TJP2: variants seen among roughly 807,000 people sequenced by gnomAD.
TJP2 encodes Friedreich ataxia region gene X104 (tight junction protein ZO-2).
A neutral mutation model predicts 133.1 loss-of-function variants in TJP2; 91 were observed. That is an observed-to-expected ratio of 0.68 (90% confidence interval 0.58 to 0.81). The LOEUF is 0.81. Ranked by LOEUF, TJP2 falls within the 40% of genes least tolerant of loss-of-function variation. The pLI, the probability that TJP2 is intolerant of heterozygous loss-of-function variation, is 0.00. For missense variants in TJP2, 1,541 were observed against 1,565.6 expected (o/e 0.98, Z 0.26); for synonymous variants, 592 against 583.4 (o/e 1.01, Z -0.21).
Position 69,212,555 on chromosome 9 carries a change from G to A in TJP2, c.68G>A (p.Gly23Asp), listed in dbSNP as rs187570733. ...RELSGWLRAP[G>D]MEELIWEQYT... is the part of the protein sequence containing the mutation. ...TTTGTTCTTTTAAAACAGGCCCCAG[G>A]CATGGAAGAGCTGATATGGGAACAG... The change falls in exon 2 of 23, where the codon GGC becomes GAC. Residue 23 changes from glycine (G) to aspartate (D), a missense_variant. Transcript: ENST00000377245. 7 of 1,612,986 alleles carry A rather than the reference G, an allele frequency of 4.3e-6. No individual in the cohort carries two copies. The East Asian group carries it at 1.6e-4, about 36-fold the overall frequency.
At chr9:69,163,690 C>T (rs139507008) in intron 2 of TJP2, among the ~76,000 whole-genome samples, 1 of 151,974 alleles carries the variant, frequency 6.6e-6, no homozygotes, top group South Asian at 2.1e-4. Flanking sequence ...CCAGACTGAA[C>T]TCAAATCCCT....
intron 21 of TJP2, among the ~76,000 whole-genome samples, chr9:69,252,321 G>T (rs1173575899): frequency 2.6e-5 from 4 of 152,120 alleles, no homozygotes; most frequent in Non-Finnish European, 5.9e-5. Context: ...GTTCGGTTCA[G>T]CGGCATTAAG....
rs933333725 is a variant in TJP2, at chr9:69,189,677, G to C, written c.60+15245G>C. ...TTTAAAAAAGTTAAAAAAAAAAAAA[G>C]ACAAAGAAAAAGGAAAGTTGATTTT... is the stretch of plus-strand genomic sequence containing the variant. On this transcript the variant is annotated intron_variant, in intron 1 of 22. Coordinates refer to ENST00000377245, the MANE Select transcript of TJP2 (RefSeq NM_004817.4). Among the ~76,000 whole-genome samples, 2 of 29,322 alleles carry C rather than the reference G, an allele frequency of 6.8e-5. 1 individual carries two copies. Among genetic ancestry groups the C allele is most frequent in the Admixed American group, 4.8e-4 (2 of 4,134 alleles). 19.2% of individuals were successfully genotyped at this position (29,322 alleles called of 152,430 possible).
Position 69,127,301 on chromosome 9 carries a change from C to T in TJP2, c.-131+5576C>T, listed in dbSNP as rs1355054117. ...AGCCAGGATGGTCTCGATCTCCTGA[C>T]CTCGTGATCCGCCTGCCTCAGCCTC... On this transcript the variant is annotated intron_variant, in intron 1 of 5. Coordinates refer to the TJP2 transcript ENST00000423935. Among the ~76,000 whole-genome samples the T allele has an allele frequency of 4.0e-5, 3 of 75,710 alleles. 1 individual carries two copies. Among genetic ancestry groups the T allele is most frequent in the Non-Finnish European group, 9.1e-5 (3 of 32,978 alleles). 49.7% of individuals were successfully genotyped at this position (75,710 alleles called of 152,430 possible).
Position 69,218,323 on chromosome 9 carries a change from T to G in TJP2, c.306T>G (p.Val102=). The part of the protein sequence containing the change: ...PMEDVLHSFA[V]QQLRKSGKVA... ...AGGATGTGCTTCATTCGTTTGCAGT[T>G]CAGCAGCTCAGAAAAAGTGGGAAGG... The change falls in exon 4 of 23, where the codon GTT becomes GTG. Residue 102 remains valine, a synonymous_variant. Transcript: ENST00000377245. The G allele has an allele frequency of 1.9e-6, 3 of 1,614,246 alleles. No homozygotes were observed. Among genetic ancestry groups the G allele is most frequent in the Non-Finnish European group, 2.5e-6 (3 of 1,180,046 alleles).
intron 18 of TJP2, among the ~76,000 whole-genome samples, chr9:69,247,213 G>A (rs3750551): frequency 0.11 from 16,594 of 152,276 alleles, 1,364 homozygotes; most frequent in East Asian, 0.3. Context: ...AGAAAATAAG[G>A]TTGGTTGAGA....
chr9:69,249,101 A>C (rs1328887914), intron 19 of TJP2: 1 of 1,237,546 alleles, frequency 8.1e-7, no homozygotes, highest in Non-Finnish European at 1.0e-6. Flanking sequence ...ATGCCTATAG[A>C]CATGGATATT....
chr9:69,221,746 T>A (rs1373297008), intron 5 of TJP2, among the ~76,000 whole-genome samples: 2 of 151,752 alleles, frequency 1.3e-5, no homozygotes. Context: ...GGAGACAGGT[T>A]TCAACATGTT....
upstream of TJP2, chr9:69,174,199 A>ACGCCGC (rs964459023): frequency 1.1e-5 from 15 of 1,388,542 alleles, no homozygotes; most frequent in East Asian, 2.1e-4. Context: ...GGGCGGGCTG[A>ACGCCGC]CGCCGCCGCC....
intron 12 of TJP2, among the ~76,000 whole-genome samples, chr9:69,235,249 C>T (rs1033241045): frequency 2.0e-5 from 3 of 152,062 alleles, no homozygotes; most frequent in East Asian, 1.9e-4. Flanking sequence ...GAGCTGATGT[C>T]GCCTTTTGAA....
chr9:69,213,254 G>T (rs561923891), intron 2 of TJP2, among the ~76,000 whole-genome samples: 7 of 151,940 alleles, frequency 4.6e-5, no homozygotes, highest in Non-Finnish European at 8.8e-5. Context: ...ATAGAGACGG[G>T]GTTTCTCCAT....
At position 69,252,815 on chromosome 9, in the gene TJP2, A is replaced by G. The variant is rs201835299; in HGVS notation, c.3322A>G (p.Ile1108Val). 188 of 1,613,990 alleles carry G rather than the reference A, an allele frequency of 1.2e-4. No individual in the cohort carries two copies. Among genetic ancestry groups the G allele is most frequent in the Non-Finnish European group, 1.5e-4 (182 of 1,179,992 alleles). ...QELQEAQNAR[I>V]EIAQKHPDIY... ...TTCTTTTCTTTTTTAATTACCACAG[A>G]TCGAAATTGCCCAGAAGCATCCTGA... The change falls in exon 22 of 23, where the codon ATC becomes GTC. Residue 1108 changes from isoleucine (I) to valine (V), a missense_variant and splice_region_variant. By Grantham distance (29) the Ile-to-Val change is conservative. Transcript: ENST00000377245.
chr9:69,211,928 G>A (rs1827943667), intron 1 of TJP2, among the ~76,000 whole-genome samples: 1 of 152,196 alleles, frequency 6.6e-6, no homozygotes, highest in African/African-American at 2.4e-5. Context: ...CAGGCAGCCT[G>A]CATTTAATGG....
At chr9:69,215,138 AG>A (rs1231383816) in intron 2 of TJP2, among the ~76,000 whole-genome samples, 1 of 152,172 alleles carries the variant, frequency 6.6e-6, no homozygotes. Flanking sequence ...ACACAAGGAC[AG>A]GAACAGTAAA....
intron 2 of TJP2, among the ~76,000 whole-genome samples, chr9:69,156,167 C>T (rs1823746744): frequency 6.6e-6 from 1 of 152,130 alleles, no homozygotes; most frequent in African/African-American, 2.4e-5. Flanking sequence ...GAGTTTGAGA[C>T]CAGCCTGGCC....
chr9:69,129,059 G>A (rs185584956), intron 1 of TJP2, among the ~76,000 whole-genome samples: 1 of 152,188 alleles, frequency 6.6e-6, no homozygotes, highest in Non-Finnish European at 1.5e-5. Context: ...TAATGAATAC[G>A]TAGTTTCTTG....
chr9:69,156,201 C>A (rs1474052022), intron 2 of TJP2, among the ~76,000 whole-genome samples: 1 of 152,106 alleles, frequency 6.6e-6, no homozygotes, highest in African/African-American at 2.4e-5. Flanking sequence ...ACCATCTCTA[C>A]TAAAAATACA....
intron 4 of TJP2, among the ~76,000 whole-genome samples, chr9:69,219,870 T>TG (rs1415783547): frequency 7.4e-6 from 1 of 134,484 alleles, no homozygotes; most frequent in Non-Finnish European, 1.6e-5. Flanking sequence ...ACTTTAAAAA[T>TG]GGCATTGGGC....
At chr9:69,157,178 T>C (rs1410613770) in intron 2 of TJP2, among the ~76,000 whole-genome samples, 1 of 152,174 alleles carries the variant, frequency 6.6e-6, no homozygotes, top group Non-Finnish European at 1.5e-5. Context: ...ATTTTTGGTT[T>C]ATAGATATGA....
Sources: allele counts gnomAD v4.1 joint callset (sites outside exome capture counted in the v4.1 genomes callset), GRCh38; gene constraint gnomAD v4.1.1; transcripts MANE v1.5; gene names NCBI Gene and HGNC (gene_info 2026-07-23, HGNC 2026-07-21).